Variants in IGFBP5 observed in about 807,000 individuals in gnomAD.
IGFBP5 encodes insulin-like growth factor-binding protein 5.
Under a neutral mutation model 28.0 loss-of-function variants are expected in IGFBP5, and 12 were observed. The observed-to-expected ratio is 0.43, with a 90% CI of 0.27 to 0.69. The LOEUF (loss-of-function observed/expected upper bound fraction) is 0.69. IGFBP5 is among the 30% of genes least tolerant of loss of function. IGFBP5 has a pLI of 0.20. For synonymous variants in IGFBP5, 152 were observed against 150.2 expected (o/e 1.01, Z -0.09); for missense variants, 344 against 381.6 (o/e 0.90, Z 0.82).
At chr2:216,678,084 A>G (rs774742261) in intron 3 of IGFBP5, 28 bp downstream of exon 3, 1 of 1,426,220 alleles carries the variant, frequency 7.0e-7, no homozygotes. Flanking sequence ...GAGCAGTCTG[A>G]GCCTGGAGCT....
At position 216,695,029 on chromosome 2, in the gene IGFBP5, G is replaced by T; in HGVS notation, c.-254C>A. 2.8e-6 allele frequency: 1 copy of T among 356,278 alleles called. No homozygotes were observed. Among genetic ancestry groups the T allele is most frequent in the Non-Finnish European group, 5.0e-6 (1 of 199,222 alleles). The allele number at this position is 356,278 out of a possible 1,614,324, so 22.1% of individuals were successfully genotyped here. A position where few individuals can be genotyped will look rare whatever the true frequency, so the allele number is the denominator to read the frequency against. The stretch of plus-strand genomic sequence containing the variant: ...GGTTGGGGGAAGCAGGGCAGCGCCA[G>T]GTGCACGCAGTGAGCGGAGGCCGGA... On this transcript the variant is annotated 5_prime_UTR_variant, in exon 1 of 4. In the 5' UTR this introduces an upstream ATG that the reference lacks. Coordinates refer to ENST00000233813, the MANE Select transcript of IGFBP5 (RefSeq NM_000599.4).
chr2:216,678,752 C>T (rs1446232592), intron 2 of IGFBP5, 98 bp downstream of exon 2: 3 of 997,112 alleles, frequency 3.0e-6, no homozygotes, highest in African/African-American at 3.2e-5. Context: ...AGGTCCTCTG[C>T]TGGGTCTAGT....
In IGFBP5 at chr2:216,673,974, G is replaced by A. The variant is rs773595059; in HGVS notation, c.*2777C>T. On this transcript the variant is annotated 3_prime_UTR_variant, in exon 4 of 4. Transcript: ENST00000233813. The surrounding 1 kb of genome is among the most constrained non-coding windows in gnomAD (Gnocchi z 4.3). ...ACTTTGGAAACCGGAAGAGTCTGGC[G>A]CACTTACACCAGGCTCTAATCCCCC... 73 of 152,790 alleles carry A rather than the reference G, an allele frequency of 4.8e-4. No individual in the cohort carries two copies. The highest frequency in any genetic ancestry group is 8.8e-4 in the Non-Finnish European group (60 of 68,052). 9.5% of individuals were successfully genotyped at this position (152,790 alleles called of 1,614,324 possible).
In IGFBP5 at chr2:216,694,590, G is replaced by C. The variant is rs771552423; in HGVS notation, c.186C>G (p.Ala62=). Residue 62 remains alanine (A), a synonymous_variant, in exon 1 of 4, where the codon GCC becomes GCG. Transcript: ENST00000233813. This position sits in a 1 kb window ranked among gnomAD's most constrained non-coding sequence, Gnocchi z 5.2. The part of the protein sequence containing the change: ...GCGCCMTCAL[A]EGQSCGVYTE... ...TGTAGACGCCGCACGACTGCCCCTCGGCCAGGGCGCAGGTCATGCAGCAGC... is the reference window on the plus strand; with the variant it reads ...TGTAGACGCCGCACGACTGCCCCTCCGCCAGGGCGCAGGTCATGCAGCAGC... The C allele has an allele frequency of 1.4e-5, 22 of 1,550,712 alleles. No individual in the cohort carries two copies. The highest frequency in any genetic ancestry group is 1.9e-5 in the Non-Finnish European group (22 of 1,149,628).
Position 216,677,621 on chromosome 2 carries a change from G to A in IGFBP5, c.687+491C>T, listed in dbSNP as rs1479441542. Among the ~76,000 whole-genome samples, 21 of 152,090 alleles carry A rather than the reference G, an allele frequency of 1.4e-4. No homozygotes were observed. In the South Asian group the frequency reaches 3.7e-3, roughly 27 times the overall value. ...AGCATCAGGGTCACGTGTCCACCCC[G>A]GAGTCCACCCCAGGTCTACCAATCA... On this transcript the variant is annotated intron_variant, in intron 3 of 3. Transcript: ENST00000233813.
chr2:216,693,408 C>T, intron 1 of IGFBP5, among the ~76,000 whole-genome samples: 1 of 149,686 alleles, frequency 6.7e-6, no homozygotes. Flanking sequence ...TTAATCCACA[C>T]CCACTTGTGA....
chr2:216,686,241 G>A (rs1689033608), intron 1 of IGFBP5, among the ~76,000 whole-genome samples: 1 of 152,180 alleles, frequency 6.6e-6, no homozygotes, highest in Admixed American at 6.5e-5. Context: ...ATCCTTACCA[G>A]AGAAATACAG....
chr2:216,678,837 C>T lies in IGFBP5; in HGVS notation c.567+13G>A. ...AAAAGCTGGGAGGGAATGAGGGAAT[C>T]CCCGAGATGCACCTGCTCAGACTCC... On this transcript the variant is annotated intron_variant, in intron 2 of 3. Coordinates refer to ENST00000233813, the MANE Select transcript of IGFBP5 (RefSeq NM_000599.4). The T allele has an allele frequency of 6.2e-7, 1 of 1,602,710 alleles. No individual in the cohort carries two copies. The highest frequency in any genetic ancestry group is 8.5e-7 in the Non-Finnish European group (1 of 1,170,768).
intron 1 of IGFBP5, among the ~76,000 whole-genome samples, chr2:216,683,257 G>A (rs1688999784): frequency 6.6e-6 from 1 of 152,206 alleles, no homozygotes; most frequent in South Asian, 2.1e-4. Flanking sequence ...GAAGGTGGGA[G>A]GTTGGAGGTA....
At position 216,679,281 on chromosome 2, in the gene IGFBP5, GCATGCTTGGAGT is replaced by G. The variant is rs1688942639; in HGVS notation, c.338-214_338-203del. On this transcript the variant is annotated intron_variant, in intron 1 of 3. Transcript: ENST00000233813. This position sits in a 1 kb window ranked among gnomAD's most constrained non-coding sequence, Gnocchi z 4.6. ...TCATTTAAGTGGCAGGAAGTTTCTGGCATGCTTGGAGTCAAGCAGAGAGTGCAGGCAGGGAGG... is the reference window on the plus strand; with the variant it reads ...TCATTTAAGTGGCAGGAAGTTTCTGGCAAGCAGAGAGTGCAGGCAGGGAGG... The G allele has an allele frequency of 1.6e-6, 1 of 617,444 alleles. No homozygotes were observed. The highest frequency in any genetic ancestry group is 1.8e-5 in the African/African-American group (1 of 55,008). The allele number at this position is 617,444 out of a possible 1,614,324, so 38.2% of individuals were successfully genotyped here. A position where few individuals can be genotyped will look rare whatever the true frequency, so the allele number is the denominator to read the frequency against.
intron 1 of IGFBP5, among the ~76,000 whole-genome samples, chr2:216,689,214 A>G (rs909837170): frequency 6.6e-6 from 1 of 152,176 alleles, no homozygotes; most frequent in Non-Finnish European, 1.5e-5. Flanking sequence ...GCCGCTGCAC[A>G]GCTCAGAGGC....
rs1688901900 is a variant in IGFBP5, at chr2:216,676,617, T to C, written c.*134A>G. On this transcript the variant is annotated 3_prime_UTR_variant, in exon 4 of 4. Transcript: ENST00000233813. ...TGCTAGAGATTCCGAGGTCCTCAGT[T>C]TCCTCAAATAGATAGATATATATTT... The C allele has an allele frequency of 1.8e-6, 1 of 566,962 alleles. No individual in the cohort carries two copies. Among genetic ancestry groups the C allele is most frequent in the Non-Finnish European group, 3.1e-6 (1 of 327,676 alleles). The allele number at this position is 566,962 out of a possible 1,614,324, so 35.1% of individuals were successfully genotyped here.
At chr2:216,693,335 C>A (rs1055455757) in intron 1 of IGFBP5, among the ~76,000 whole-genome samples, 11 of 150,296 alleles carry the variant, frequency 7.3e-5, no homozygotes, top group Non-Finnish European at 1.6e-4. Context: ...GCTCCCAGTG[C>A]GTGGCTTTTC....
At chr2:216,678,730 A>G (rs1458164740) in intron 2 of IGFBP5, 120 bp downstream of exon 2, 4 of 781,734 alleles carry the variant, frequency 5.1e-6, no homozygotes, top group Admixed American at 5.0e-5. Flanking sequence ...GCTGAGCCAC[A>G]TGGTGGGCTG....
intron 1 of IGFBP5, among the ~76,000 whole-genome samples, chr2:216,691,797 A>G (rs879537890): frequency 3.4e-5 from 5 of 149,214 alleles, no homozygotes; most frequent in Admixed American, 1.3e-4. Context: ...TATAGTATAT[A>G]CCATATATAC....
chr2:216,677,192 G>A (rs370873958), intron 3 of IGFBP5, among the ~76,000 whole-genome samples: 2 of 151,860 alleles, frequency 1.3e-5, no homozygotes, highest in South Asian at 2.1e-4. Flanking sequence ...TCCTGCCTCA[G>A]CCTCTGGAGT....
rs1055847890 is a variant in IGFBP5 at position 216,676,079 on chromosome 2, G to A, written c.*672C>T. 1 of 152,638 alleles carries A rather than the reference G, an allele frequency of 6.6e-6. No homozygotes were observed. The highest frequency in any genetic ancestry group is 2.4e-5 in the African/African-American group (1 of 41,450). 9.5% of individuals were successfully genotyped at this position (152,638 alleles called of 1,614,324 possible). The stretch of plus-strand genomic sequence containing the variant: ...TTATGAATTTGTTTTGCTTTCAGAG[G>A]AATGGAATGCATTTTAGTTTTTATA... On this transcript the variant is annotated 3_prime_UTR_variant, in exon 4 of 4. Coordinates refer to ENST00000233813, the MANE Select transcript of IGFBP5 (RefSeq NM_000599.4).
rs370277260 is a variant in IGFBP5 at position 216,679,096 on chromosome 2, C to T, written c.338-17G>A. 48 of 1,611,520 alleles carry T rather than the reference C, an allele frequency of 3.0e-5. No homozygotes were observed. Among genetic ancestry groups the T allele is most frequent in the African/African-American group, 1.9e-4 (14 of 74,796 alleles). On this transcript the variant is annotated splice_polypyrimidine_tract_variant and intron_variant, in intron 1 of 3. Transcript: ENST00000233813. The surrounding 1 kb of genome is among the most constrained non-coding windows in gnomAD (Gnocchi z 4.6). ...AGTCTCTCTCTGCAGGAGAAGGAGC[C>T]GGAGGGTCAGCCCCCGTGGGCCAAG...
intron 2 of IGFBP5, 75 bp from the exon 3 acceptor site, chr2:216,678,306 G>C (rs1009534732): frequency 1.1e-5 from 16 of 1,412,102 alleles, no homozygotes; most frequent in South Asian, 1.1e-4. Flanking sequence ...AATGGCCCAG[G>C]GGGTGGGGGC....
Sources: allele counts gnomAD v4.1 joint callset (sites outside exome capture counted in the v4.1 genomes callset), GRCh38; gene constraint gnomAD v4.1.1; non-coding constraint Gnocchi (gnomAD v3.1); transcripts MANE v1.5; gene names NCBI Gene and HGNC (gene_info 2026-07-23, HGNC 2026-07-21).